Variants in MAD1L1 observed in about 807,000 individuals in gnomAD.
MAD1L1 encodes the protein mitotic arrest deficient 1 like 1.
Under a neutral mutation model 96.9 loss-of-function variants are expected in MAD1L1, and 95 were observed. The ratio of observed to expected loss-of-function variants is 0.98; its 90% CI spans 0.83 to 1.16. The LOEUF is 1.16. Ranked by LOEUF, MAD1L1 falls within the 50% of genes most tolerant of loss-of-function variation. The pLI, the probability that MAD1L1 is intolerant of heterozygous loss-of-function variation, is 0.00. For synonymous variants in MAD1L1, 473 were observed against 396.6 expected (o/e 1.19, Z -2.29); for missense variants, 1,007 against 954.4 (o/e 1.06, Z -0.73).
chr7:2,166,817 A>G (rs1187813439), intron 10 of MAD1L1, among the ~76,000 whole-genome samples: 1 of 152,220 alleles, frequency 6.6e-6, no homozygotes, highest in Non-Finnish European at 1.5e-5. Context: ...TCATCATGCC[A>G]GGCGAACCCA....
intron 15 of MAD1L1, among the ~76,000 whole-genome samples, chr7:1,961,083 A>C (rs2128475268): frequency 6.6e-6 from 1 of 152,364 alleles, no homozygotes; most frequent in South Asian, 2.1e-4. Flanking sequence ...AGCTCCGAGC[A>C]CTGTGAAGAG....
intron 10 of MAD1L1, among the ~76,000 whole-genome samples, chr7:2,205,928 G>A (rs916025733): frequency 3.3e-5 from 5 of 152,300 alleles, no homozygotes; most frequent in Admixed American, 2.0e-4. Context: ...GAGGTCAGGA[G>A]TTTGAGACTA....
intron 11 of MAD1L1, among the ~76,000 whole-genome samples, chr7:2,127,624 G>A (rs927675878): frequency 7.2e-5 from 11 of 152,182 alleles, no homozygotes; most frequent in South Asian, 6.2e-4. Context: ...GGCAAGAGAG[G>A]AGGAGACCCA....
intron 16 of MAD1L1, among the ~76,000 whole-genome samples, chr7:1,945,369 G>C (rs536838401): frequency 1.3e-5 from 2 of 152,366 alleles, no homozygotes; most frequent in South Asian, 4.1e-4. Context: ...TGATGATGAT[G>C]AACACTTACT....
chr7:2,225,883 G>C (rs1399877986), intron 3 of MAD1L1, among the ~76,000 whole-genome samples: 1 of 152,204 alleles, frequency 6.6e-6, no homozygotes, highest in African/African-American at 2.4e-5. Context: ...CTCTGACCAG[G>C]GTCTCCCAGA....
chr7:1,891,187 T>C lies in MAD1L1; in HGVS notation c.1998+7013A>G, dbSNP rs569802473. Among the ~76,000 whole-genome samples the C allele has an allele frequency of 7.4e-4, 113 of 152,346 alleles. 1 individual carries two copies. Among genetic ancestry groups the C allele is most frequent in the Middle Eastern group, 3.4e-3 (1 of 294 alleles). ...GCTGCTATACAAAAACATTTTTCTATAGCTGTAGGATGTGCTTGTGCTTTA... is the reference window on the plus strand; with the variant it reads ...GCTGCTATACAAAAACATTTTTCTACAGCTGTAGGATGTGCTTGTGCTTTA... On this transcript the variant is annotated intron_variant, in intron 18 of 18. Coordinates refer to ENST00000265854, the MANE Select transcript of MAD1L1 (RefSeq NM_001013836.2).
intron 15 of MAD1L1, among the ~76,000 whole-genome samples, chr7:1,974,542 G>A (rs1055706211): frequency 1.3e-5 from 2 of 152,162 alleles, no homozygotes; most frequent in African/African-American, 4.8e-5. Context: ...CTCAGGAAAC[G>A]AAGAGTATAG....
chr7:2,024,067 T>C (rs1318331397), intron 12 of MAD1L1, among the ~76,000 whole-genome samples: 2 of 148,488 alleles, frequency 1.3e-5, no homozygotes, highest in East Asian at 2.0e-4. Context: ...CAAAAGCTGG[T>C]TCCTTAAAAT....
Position 2,056,680 on chromosome 7 carries a change from G to C in MAD1L1, c.1218+12514C>G, listed in dbSNP as rs543800770. Among the ~76,000 whole-genome samples the C allele has an allele frequency of 8.5e-5, 13 of 152,262 alleles. No individual in the cohort carries two copies. The South Asian group carries it at 2.7e-3, about 32-fold the overall frequency. On this transcript the variant is annotated intron_variant, in intron 12 of 18. Transcript: ENST00000265854. ...CCACCCAGCGCCCATTATCACAGAG[G>C]GGTGAAGGACAAGTCCTACTCAACA...
intron 11 of MAD1L1, among the ~76,000 whole-genome samples, chr7:2,100,778 G>T (rs1284664199): frequency 1.3e-5 from 2 of 152,196 alleles, no homozygotes; most frequent in South Asian, 2.1e-4. Flanking sequence ...AATTAAGCTG[G>T]CCCTGAAGGG....
At chr7:2,141,053 G>C (rs1255293932) in intron 11 of MAD1L1, among the ~76,000 whole-genome samples, 2 of 152,242 alleles carry the variant, frequency 1.3e-5, no homozygotes, top group African/African-American at 4.8e-5. Flanking sequence ...GCTGGCTAAA[G>C]CAGCAGGCGG....
intron 18 of MAD1L1, chr7:1,874,445 C>T: frequency 2.3e-6 from 1 of 442,030 alleles, no homozygotes; most frequent in Non-Finnish European, 4.5e-6. Flanking sequence ...CCCGCCGTGG[C>T]CAGGGTGAGG....
At chr7:1,999,725 T>C (rs1287216182) in intron 14 of MAD1L1, among the ~76,000 whole-genome samples, 1 of 152,114 alleles carries the variant, frequency 6.6e-6, no homozygotes, top group Non-Finnish European at 1.5e-5. Flanking sequence ...CCACTGCCCA[T>C]CGGTAAAGCG....
chr7:2,094,365 C>A (rs181959472), intron 11 of MAD1L1, among the ~76,000 whole-genome samples: 42 of 152,324 alleles, frequency 2.8e-4, no homozygotes, highest in Middle Eastern at 3.4e-3. Context: ...TGCCCGAGCA[C>A]CCCTGTGTGT....
At chr7:1,945,203 C>T (rs565604524) in intron 16 of MAD1L1, among the ~76,000 whole-genome samples, 16 of 152,374 alleles carry the variant, frequency 1.1e-4, no homozygotes, top group African/African-American at 3.8e-4. Context: ...CAGCGGGACA[C>T]CCCGATCAGC....
At chr7:1,934,354 A>C (rs532715871) in intron 17 of MAD1L1, among the ~76,000 whole-genome samples, 1 of 152,254 alleles carries the variant, frequency 6.6e-6, no homozygotes, top group Non-Finnish European at 1.5e-5. Flanking sequence ...GCAGAGACCC[A>C]GACAAGAGGT....
chr7:1,987,428 C>A (rs1279061865), intron 14 of MAD1L1, among the ~76,000 whole-genome samples: 1 of 152,208 alleles, frequency 6.6e-6, no homozygotes, highest in African/African-American at 2.4e-5. Context: ...CGGGGAGGTA[C>A]TGGGGCGGGT....
intron 11 of MAD1L1, among the ~76,000 whole-genome samples, chr7:2,072,656 C>T (rs920098577): frequency 7.2e-5 from 11 of 152,204 alleles, no homozygotes; most frequent in African/African-American, 1.9e-4. Flanking sequence ...ACTAGAAGAA[C>T]GCCACCATTC....
chr7:2,085,241 G>A lies in MAD1L1; in HGVS notation c.1074-15903C>T, dbSNP rs1479021297. ...AGGCAAAGCAGACACAATGGTGACTGTCCTCAAAGAAGCTCAAAGGTAGAA... is the reference window on the plus strand; with the variant it reads ...AGGCAAAGCAGACACAATGGTGACTATCCTCAAAGAAGCTCAAAGGTAGAA... On this transcript the variant is annotated intron_variant, in intron 11 of 18. Transcript: ENST00000265854. Among the ~76,000 whole-genome samples, 7 of 152,240 alleles carry A rather than the reference G, an allele frequency of 4.6e-5. 1 individual carries two copies. Among genetic ancestry groups the A allele is most frequent in the Admixed American group, 4.6e-4 (7 of 15,282 alleles).
Sources: gnomAD v4.1 joint callset for allele counts (sites outside exome capture counted in the v4.1 genomes callset) on GRCh38, gnomAD v4.1.1 for gene constraint, MANE v1.5 for transcripts, NCBI Gene and HGNC (gene_info 2026-07-23, HGNC 2026-07-21) for gene names.